DPP10: variants seen among roughly 807,000 people sequenced by gnomAD.
The protein encoded by DPP10 is inactive dipeptidyl peptidase 10.
Under a neutral mutation model 120.9 loss-of-function variants are expected in DPP10, and 33 were observed. That is an observed-to-expected ratio of 0.27 (90% CI 0.21 to 0.37). The LOEUF (loss-of-function observed/expected upper bound fraction) is 0.37, where lower values mean the gene tolerates loss of function less well. Among genes scored for constraint, DPP10 ranks in the 10% least tolerant of loss-of-function variants. DPP10 has a pLI of 1.00. For missense variants in DPP10, 816 were observed against 942.8 expected, an observed-to-expected ratio of 0.87 and a Z score of 1.76; for synonymous variants, 337 against 326.1, an observed-to-expected ratio of 1.03 and a Z score of -0.36.
chr2:115,090,287 T>C (rs1709135445), intron 1 of DPP10, among the ~76,000 whole-genome samples: 1 of 152,338 alleles, frequency 6.6e-6, no homozygotes, highest in East Asian at 1.9e-4. Flanking sequence ...GACAAGGCTC[T>C]GTGCATATTT....
At chr2:114,734,269 TC>T (rs1421708213) in intron 1 of DPP10, among the ~76,000 whole-genome samples, 1 of 152,028 alleles carries the variant, frequency 6.6e-6, no homozygotes, top group African/African-American at 2.4e-5. Context: ...CCCTTTTAGG[TC>T]CCATAAGAAA....
intron 3 of DPP10, among the ~76,000 whole-genome samples, chr2:115,421,933 GA>G (rs1047466928): frequency 7.9e-6 from 1 of 126,794 alleles, no homozygotes; most frequent in African/African-American, 2.9e-5. Context: ...TTTTCTATTT[GA>G]AACTTTCCTT....
intron 1 of DPP10, among the ~76,000 whole-genome samples, chr2:114,566,061 T>C (rs1279868089): frequency 2.0e-5 from 3 of 152,228 alleles, no homozygotes; most frequent in Non-Finnish European, 4.4e-5. Context: ...CTGTGTTCAG[T>C]AGCCATGAAT....
chr2:115,747,380 A>G (rs1400799286), intron 10 of DPP10, among the ~76,000 whole-genome samples: 3 of 152,322 alleles, frequency 2.0e-5, no homozygotes, highest in East Asian at 1.9e-4. Flanking sequence ...TTGATCTAGC[A>G]GCCATGAATG....
chr2:114,464,266 T>C (rs2104579848), intron 1 of DPP10, among the ~76,000 whole-genome samples: 1 of 152,178 alleles, frequency 6.6e-6, no homozygotes, highest in South Asian at 2.1e-4. Context: ...ATTGTCTTTT[T>C]ATTTTTTTAA....
intron 1 of DPP10, among the ~76,000 whole-genome samples, chr2:114,924,716 T>C (rs1574495648): frequency 6.6e-6 from 1 of 152,176 alleles, no homozygotes; most frequent in East Asian, 1.9e-4. Flanking sequence ...TCTTTCTTAT[T>C]ATCCTTGGGA....
chr2:114,919,932 T>A (rs1695079239), intron 1 of DPP10, among the ~76,000 whole-genome samples: 1 of 152,170 alleles, frequency 6.6e-6, no homozygotes, highest in African/African-American at 2.4e-5. Flanking sequence ...ATAGCTAGCA[T>A]GGATTTGCTA....
intron 7 of DPP10, among the ~76,000 whole-genome samples, chr2:115,714,715 G>C (rs962824563): frequency 5.0e-4 from 76 of 152,040 alleles, no homozygotes; most frequent in Non-Finnish European, 9.4e-4. Flanking sequence ...TCTCTACTTG[G>C]AATAGCCCTT....
intron 1 of DPP10, among the ~76,000 whole-genome samples, chr2:115,019,084 C>A (rs928291892): frequency 6.6e-6 from 1 of 151,894 alleles, no homozygotes; most frequent in Non-Finnish European, 1.5e-5. Flanking sequence ...GCACCCCCGC[C>A]CCTGCCACTC....
At chr2:115,636,724 C>A (rs2086365596) in intron 5 of DPP10, among the ~76,000 whole-genome samples, 1 of 151,910 alleles carries the variant, frequency 6.6e-6, no homozygotes, top group Admixed American at 6.6e-5. Flanking sequence ...GTTCTTTCAA[C>A]TTTTCTTCAA....
intron 1 of DPP10, among the ~76,000 whole-genome samples, chr2:115,265,633 T>A (rs2059427022): frequency 6.6e-6 from 1 of 152,134 alleles, no homozygotes; most frequent in African/African-American, 2.4e-5. Flanking sequence ...TGAATGTCAG[T>A]CCCTAGTGTT....
In DPP10 at chr2:114,942,298, C is replaced by CATATATATATATATATATATATATACAT. The variant is rs752991108; in HGVS notation, c.61-366918_61-366917insTACATATATATATATATATATATATATA. Reference sequence around the variant, plus strand: ...AAAAAAAAAAATGTGTATATATATACATATATATATATATATATATATACA... The same window carrying CATATATATATATATATATATATATACAT: ...AAAAAAAAAAATGTGTATATATATACATATATATATATATATATATATATACATATATATATATATATATATATATACA... On this transcript the variant is annotated intron_variant, in intron 1 of 25. Transcript: ENST00000410059. 1.3e-3 allele frequency among the ~76,000 whole-genome samples: 133 copies of CATATATATATATATATATATATATACAT among 104,666 alleles called. 2 individuals carry two copies. The highest frequency in any genetic ancestry group is 2.6e-3 in the Admixed American group (24 of 9,390). The allele number at this position is 104,666 out of a possible 152,430, so 68.7% of individuals were successfully genotyped here. A position where few individuals can be genotyped will look rare whatever the true frequency, so the allele number is the denominator to read the frequency against.
intron 1 of DPP10, among the ~76,000 whole-genome samples, chr2:114,543,900 TTTTG>T (rs1687158746): frequency 6.6e-6 from 1 of 152,136 alleles, no homozygotes; most frequent in African/African-American, 2.4e-5. Flanking sequence ...TGGTGGTTGT[TTTTG>T]TTTGTTTGTT....
chr2:115,529,792 A>G (rs1209038688), intron 5 of DPP10, among the ~76,000 whole-genome samples: 1 of 152,172 alleles, frequency 6.6e-6, no homozygotes, highest in East Asian at 1.9e-4. Context: ...ACTGTCTATG[A>G]AAAGTAAAAC....
intron 1 of DPP10, among the ~76,000 whole-genome samples, chr2:114,532,105 A>G (rs1188892894): frequency 6.6e-6 from 1 of 151,438 alleles, no homozygotes; most frequent in African/African-American, 2.4e-5. Flanking sequence ...CTCGGATCAA[A>G]ATATATGCCA....
intron 1 of DPP10, among the ~76,000 whole-genome samples, chr2:114,687,039 A>G (rs1699418029): frequency 6.6e-6 from 1 of 152,030 alleles, no homozygotes; most frequent in South Asian, 2.1e-4. Context: ...TTATACAACA[A>G]TGTTGAGAAA....
At chr2:114,831,112 C>A (rs928023708) in intron 1 of DPP10, among the ~76,000 whole-genome samples, 2 of 118,246 alleles carry the variant, frequency 1.7e-5, no homozygotes, top group Non-Finnish European at 3.2e-5. Context: ...GATGATGGGG[C>A]AGTAAAGACT....
intron 1 of DPP10, among the ~76,000 whole-genome samples, chr2:115,276,858 A>C (rs890950875): frequency 1.3e-5 from 2 of 152,160 alleles, no homozygotes; most frequent in Non-Finnish European, 2.9e-5. Context: ...CTAATAGGAA[A>C]ATTTTCATAA....
chr2:115,791,419 A>T, intron 19 of DPP10, 63 bp downstream of exon 19: 3 of 1,405,150 alleles, frequency 2.1e-6, no homozygotes, highest in South Asian at 1.3e-5. Flanking sequence ...TGTGTCTCAC[A>T]TGACAACATT....
Sources: gnomAD v4.1 joint callset for allele counts (sites outside exome capture counted in the v4.1 genomes callset) on GRCh38, gnomAD v4.1.1 for gene constraint, MANE v1.5 for transcripts, NCBI Gene and HGNC (gene_info 2026-07-23, HGNC 2026-07-21) for gene names.